ZSCAN30: variants seen among roughly 807,000 people sequenced by gnomAD.
ZSCAN30 encodes zinc finger and SCAN domain containing 30.
ZSCAN30 carries 37 observed loss-of-function variants against 44.3 expected under a neutral mutation model. The ratio of observed to expected loss-of-function variants is 0.84; its 90% CI spans 0.64 to 1.10. ZSCAN30 has a LOEUF of 1.10. ZSCAN30 is among the 50% of genes least tolerant of loss of function. The pLI, the probability that ZSCAN30 is intolerant of heterozygous loss-of-function variation, is 0.00. For missense variants in ZSCAN30, 549 were observed against 582.6 expected (o/e 0.94, Z 0.59); for synonymous variants, 181 against 204.6 (o/e 0.88, Z 0.98).
intron 1 of ZSCAN30, among the ~76,000 whole-genome samples, chr18:35,279,256 T>A (rs929170596): frequency 3.3e-5 from 5 of 152,220 alleles, no homozygotes; most frequent in African/African-American, 1.2e-4. Flanking sequence ...AGCAGGGCCA[T>A]ACTCTCTCTG....
intron 3 of ZSCAN30, chr18:35,263,285 T>C (rs776318251): frequency 1.4e-5 from 7 of 490,732 alleles, no homozygotes; most frequent in South Asian, 4.0e-5. Flanking sequence ...AAAATAATTA[T>C]GGGTATTAGA....
At position 35,251,573 on chromosome 18, in the gene ZSCAN30, AG is replaced by A. The variant is rs2043595931; in HGVS notation, c.*1876del. 1 of 151,986 alleles carries A rather than the reference AG, an allele frequency of 6.6e-6. No homozygotes were observed. Among genetic ancestry groups the A allele is most frequent in the South Asian group, 2.1e-4 (1 of 4,816 alleles). The allele number at this position is 151,986 out of a possible 1,614,324, so 9.4% of individuals were successfully genotyped here. On this transcript the variant is annotated 3_prime_UTR_variant, in exon 4 of 4. Transcript: ENST00000333206. ...AATAGTAATCCCCAGGTGTTGAGGG[AG>A]GGTCGTGGTGGGAGGTGATTAGATC...
At chr18:35,269,734 A>G (rs1310788370) in intron 1 of ZSCAN30, 1 of 152,164 alleles carries the variant, frequency 6.6e-6, no homozygotes. Context: ...TAGTGGTTCC[A>G]TACTAGACAG....
At chr18:35,263,235 C>A (rs1461844479) in intron 3 of ZSCAN30, 5 of 354,674 alleles carry the variant, frequency 1.4e-5, no homozygotes, top group Non-Finnish European at 2.6e-5. Context: ...TAGAGTGAGA[C>A]CCCATCTAAA....
At position 35,280,955 on chromosome 18, in the gene ZSCAN30, C is replaced by T. The variant is rs186057956; in HGVS notation, c.-104+9129G>A. 2.6e-5 allele frequency: 4 copies of T among 152,144 alleles called. No individual in the cohort carries two copies. In the East Asian group the frequency reaches 5.8e-4, roughly 22 times the overall value. The allele number at this position is 152,144 out of a possible 1,614,324, so 9.4% of individuals were successfully genotyped here. A position where few individuals can be genotyped will look rare whatever the true frequency, so the allele number is the denominator to read the frequency against. On this transcript the variant is annotated intron_variant, in intron 1 of 3. Transcript: ENST00000333206. ...CTAAGTATCAAAGAAAATTAATTTCCAATACAATACATGATAAGCAAAAGT... is the reference window on the plus strand; with the variant it reads ...CTAAGTATCAAAGAAAATTAATTTCTAATACAATACATGATAAGCAAAAGT...
intron 1 of ZSCAN30, among the ~76,000 whole-genome samples, chr18:35,273,844 G>A (rs747655154): frequency 3.7e-4 from 56 of 152,150 alleles, no homozygotes; most frequent in African/African-American, 1.2e-3. Flanking sequence ...TGTCTTTTAC[G>A]TCCCTGAATA....
chr18:35,272,129 C>T (rs2044293337), intron 1 of ZSCAN30, among the ~76,000 whole-genome samples: 1 of 152,204 alleles, frequency 6.6e-6, no homozygotes, highest in African/African-American at 2.4e-5. Flanking sequence ...GACGCTGAGG[C>T]CAAGGAGGTG....
chr18:35,264,115 C>A lies in ZSCAN30; in HGVS notation c.238G>T (p.Glu80Ter), dbSNP rs754392331. The A allele has an allele frequency of 6.2e-7, 1 of 1,614,120 alleles. No individual in the cohort carries two copies. Among genetic ancestry groups the A allele is most frequent in the South Asian group, 1.1e-5 (1 of 91,084 alleles). ...AGGATCTGCTCCTTGGAGTGCACCT[C>A]CGGCCTCAACCACTGACAGCAAAGC... ...RELCCQWLRP[E>*]VHSKEQILEL... The change falls in exon 2 of 4, where the codon GAG (glutamate) becomes TAG (stop). Residue 80 changes from glutamate to a stop codon, truncating the protein, a stop_gained. Transcript: ENST00000333206. LOFTEE classifies it high-confidence loss of function.
chr18:35,285,781 A>G (rs1011180258), intron 1 of ZSCAN30, among the ~76,000 whole-genome samples: 2 of 152,102 alleles, frequency 1.3e-5, no homozygotes, highest in African/African-American at 4.8e-5. Flanking sequence ...CAGAGGCCTC[A>G]ACTTCCACTT....
chr18:35,264,085 G>A lies in ZSCAN30; in HGVS notation c.268C>T (p.Leu90=). The A allele has an allele frequency of 6.2e-7, 1 of 1,614,068 alleles. No homozygotes were observed. The highest frequency in any genetic ancestry group is 8.5e-7 in the Non-Finnish European group (1 of 1,179,962). The part of the protein sequence containing the change: ...EVHSKEQILE[L]LMLEQFLAIL... Reference sequence around the variant, plus strand: ...GCCAGGAACTGCTCCAACATCAGCAGCTCCAGGATCTGCTCCTTGGAGTGC... The same window carrying A: ...GCCAGGAACTGCTCCAACATCAGCAACTCCAGGATCTGCTCCTTGGAGTGC... The change falls in exon 2 of 4, where the codon CTG becomes TTG. Residue 90 remains leucine (L), a synonymous_variant. Transcript: ENST00000333206.
chr18:35,254,054 A>G lies in ZSCAN30; in HGVS notation c.881T>C (p.Val294Ala), dbSNP rs1172385557. ...CTCATAGAGCTTTTCCCTAGTGTCA[A>G]CGCTCTGTTGTGTAATATCATTTGA... ...MNSNDITQQS[V>A]DTREKLYECF... Residue 294 changes from valine (V) to alanine (A), a missense_variant, in exon 4 of 4, where the codon GTT becomes GCT. Coordinates refer to ENST00000333206, the MANE Select transcript of ZSCAN30 (RefSeq NM_001112734.4). 1.2e-5 allele frequency: 19 copies of G among 1,614,020 alleles called. No homozygotes were observed. Among genetic ancestry groups the G allele is most frequent in the Non-Finnish European group, 1.4e-5 (17 of 1,180,006 alleles).
At chr18:35,273,952 G>T (rs183801136) in intron 1 of ZSCAN30, among the ~76,000 whole-genome samples, 9 of 152,242 alleles carry the variant, frequency 5.9e-5, no homozygotes, top group African/African-American at 2.2e-4. Context: ...TTCTTAGCTC[G>T]GTTGCCTGGT....
In ZSCAN30 at chr18:35,254,026, G is replaced by A. The variant is rs1238806409; in HGVS notation, c.909C>T (p.Cys303=). The A allele has an allele frequency of 6.8e-6, 11 of 1,614,186 alleles. No homozygotes were observed. Among genetic ancestry groups the A allele is most frequent in the Non-Finnish European group, 9.3e-6 (11 of 1,180,022 alleles). ...GGCAAAAGGCCTTCCCACAGTCAAA[G>A]CACTCATAGAGCTTTTCCCTAGTGT... ...SVDTREKLYE[C]FDCGKAFCQS... The change falls in exon 4 of 4, where the codon TGC becomes TGT. Residue 303 remains cysteine (C), a synonymous_variant. Transcript: ENST00000333206.
rs188512173 is a variant in ZSCAN30 at position 35,254,561 on chromosome 18, G to A, written c.554-180C>T. 1.1e-5 allele frequency: 12 copies of A among 1,059,090 alleles called. No individual in the cohort carries two copies. In the East Asian group the frequency reaches 1.3e-4, roughly 11 times the overall value. 65.6% of individuals were successfully genotyped at this position (1,059,090 alleles called of 1,614,324 possible). A position where few individuals can be genotyped will look rare whatever the true frequency, so the allele number is the denominator to read the frequency against. On this transcript the variant is annotated intron_variant, in intron 3 of 3. Coordinates refer to ENST00000333206, the MANE Select transcript of ZSCAN30 (RefSeq NM_001112734.4). ...TGGGGTAGCCAAATATGGCCCCCTT[G>A]GAGAGTAAGGTAGACAAAGAAATGA...
chr18:35,274,249 G>A (rs2044332994), intron 1 of ZSCAN30, among the ~76,000 whole-genome samples: 1 of 152,090 alleles, frequency 6.6e-6, no homozygotes, highest in South Asian at 2.1e-4. Context: ...GTGTTAGCCA[G>A]GATGGTCTCG....
Position 35,264,398 on chromosome 18 carries a change from G to A in ZSCAN30, c.-46C>T. The A allele has an allele frequency of 6.4e-7, 1 of 1,568,640 alleles. No homozygotes were observed. Among genetic ancestry groups the A allele is most frequent in the Non-Finnish European group, 8.6e-7 (1 of 1,157,676 alleles). ...AAAGGCTGCCCAGGTGAGGCAGGGA[G>A]GAGATGGAGATTTGCGTCTGAGAGA... is the stretch of plus-strand genomic sequence containing the variant. On this transcript the variant is annotated 5_prime_UTR_variant, in exon 2 of 4. Transcript: ENST00000333206.
rs145981241 is a variant in ZSCAN30, at chr18:35,278,324, C to T, written c.-104+11760G>A. ...TAGTGTCCCCACCCTCTGGGTACCTCGTTTCCTGCTTTTGTAATACCAGAA... is the reference window on the plus strand; with the variant it reads ...TAGTGTCCCCACCCTCTGGGTACCTTGTTTCCTGCTTTTGTAATACCAGAA... On this transcript the variant is annotated intron_variant, in intron 1 of 3. Transcript: ENST00000333206. 5.6e-3 allele frequency among the ~76,000 whole-genome samples: 852 copies of T among 152,284 alleles called. 5 individuals carry two copies. Among genetic ancestry groups the T allele is most frequent in the African/African-American group, 0.015 (639 of 41,556 alleles).
intron 1 of ZSCAN30, among the ~76,000 whole-genome samples, chr18:35,273,471 C>A (rs889702537): frequency 9.2e-5 from 14 of 152,196 alleles, no homozygotes; most frequent in African/African-American, 3.4e-4. Flanking sequence ...TGGCTTCGCC[C>A]TTTTGGCTGT....
intron 1 of ZSCAN30, among the ~76,000 whole-genome samples, chr18:35,286,202 CA>C (rs1380469576): frequency 6.6e-6 from 1 of 151,996 alleles, no homozygotes; most frequent in Non-Finnish European, 1.5e-5. Flanking sequence ...AACCTTCCCA[CA>C]AAAAAACTCT....
Sources: allele counts gnomAD v4.1 joint callset (sites outside exome capture counted in the v4.1 genomes callset), GRCh38; gene constraint gnomAD v4.1.1; transcripts MANE v1.5; gene names NCBI Gene and HGNC (gene_info 2026-07-23, HGNC 2026-07-21).